The following DNAH12 variants were observed in gnomAD, a reference collection of about 807,000 sequenced individuals.
DNAH12 encodes the protein axonemal beta dynein heavy chain 12.
In DNAH12, 285 loss-of-function variants were observed where a neutral mutation model predicts 371.5. The ratio of observed to expected loss-of-function variants is 0.77; its 90% CI spans 0.70 to 0.85. The LOEUF (loss-of-function observed/expected upper bound fraction) is 0.85. DNAH12 is among the 40% of genes least tolerant of loss of function. The pLI is 0.00. For missense variants in DNAH12, 3,611 were observed against 3,689.4 expected (o/e 0.98, Z 0.55); for synonymous variants, 1,200 against 1,213.0 (o/e 0.99, Z 0.22).
intron 49 of DNAH12, among the ~76,000 whole-genome samples, chr3:57,382,937 T>C (rs965736087): frequency 0.016 from 2,467 of 152,354 alleles, 33 homozygotes; most frequent in Admixed American, 0.033. Context: ...CTATATATCT[T>C]AGTTTTTCAT....
At chr3:57,428,002 C>A (rs944101553) in intron 34 of DNAH12, among the ~76,000 whole-genome samples, 1 of 151,824 alleles carries the variant, frequency 6.6e-6, no homozygotes, top group South Asian at 2.1e-4. Flanking sequence ...GATCTCGGCT[C>A]ACTGCAACCT....
chr3:57,380,440 A>G (rs1239332318), intron 50 of DNAH12, 73 bp from the exon 51 acceptor site: 1 of 152,156 alleles, frequency 6.6e-6, no homozygotes, highest in African/African-American at 2.4e-5. Flanking sequence ...TTCTTCTTGA[A>G]GTTTAAGAGG....
intron 13 of DNAH12, among the ~76,000 whole-genome samples, chr3:57,482,344 A>G (rs1455231925): frequency 2.6e-5 from 4 of 152,254 alleles, no homozygotes; most frequent in South Asian, 2.1e-4. Context: ...CTGGCCATCA[A>G]AGAAATGCAA....
intron 2 of DNAH12, 73 bp from the exon 3 acceptor site, chr3:57,523,957 C>G: frequency 8.8e-7 from 1 of 1,130,704 alleles, no homozygotes; most frequent in Non-Finnish European, 1.2e-6. Context: ...ACAATTTAAG[C>G]ATTTTTCCAA....
chr3:57,474,972 C>G (rs1396678122), intron 13 of DNAH12, among the ~76,000 whole-genome samples: 2 of 80,512 alleles, frequency 2.5e-5, no homozygotes, highest in Non-Finnish European at 5.6e-5. Flanking sequence ...GAGACTCTTT[C>G]TCAAAAAAAA....
chr3:57,500,204 C>T (rs1219553981), intron 11 of DNAH12, among the ~76,000 whole-genome samples: 1 of 152,050 alleles, frequency 6.6e-6, no homozygotes, highest in Non-Finnish European at 1.5e-5. Context: ...CCATGCTTGG[C>T]TAATTCTTGT....
At chr3:57,338,245 C>T (rs1250768814) in intron 60 of DNAH12, among the ~76,000 whole-genome samples, 2 of 152,324 alleles carry the variant, frequency 1.3e-5, no homozygotes, top group Middle Eastern at 3.4e-3. Context: ...CTCCTGACCT[C>T]GAGTGATCTG....
chr3:57,473,946 A>G (rs1257337184), intron 13 of DNAH12, among the ~76,000 whole-genome samples: 1 of 152,152 alleles, frequency 6.6e-6, no homozygotes, highest in African/African-American at 2.4e-5. Context: ...TTTTCAAAAA[A>G]CGTAGTAGCA....
In DNAH12 at chr3:57,415,654, A is replaced by G. The variant is rs906025668; in HGVS notation, c.5715-90T>C. On this transcript the variant is annotated intron_variant, in intron 37 of 73. Transcript: ENST00000495027. ...GGAGGCGGTAGTTAAAAGTGTACAT[A>G]AGAATCAAATCATCTTCATTAAAAA... 6.2e-5 allele frequency: 80 copies of G among 1,281,918 alleles called. No individual in the cohort carries two copies. In the South Asian group the frequency reaches 1.3e-3, roughly 21 times the overall value. 79.4% of individuals were successfully genotyped at this position (1,281,918 alleles called of 1,614,324 possible).
At chr3:57,356,484 T>TAAATA (rs1334854920) in intron 59 of DNAH12, among the ~76,000 whole-genome samples, 1 of 142,648 alleles carries the variant, frequency 7.0e-6, no homozygotes, top group Non-Finnish European at 1.6e-5. Context: ...AATAAATAAA[T>TAAATA]AAATAAAATA....
At chr3:57,308,478 C>G (rs997127632) in intron 69 of DNAH12, among the ~76,000 whole-genome samples, 2 of 98,680 alleles carry the variant, frequency 2.0e-5, no homozygotes, top group African/African-American at 8.3e-5. Context: ...CCCATTTAAG[C>G]TCCTGTATAG....
At chr3:57,324,510 G>T (rs892335735) in intron 62 of DNAH12, among the ~76,000 whole-genome samples, 4 of 152,166 alleles carry the variant, frequency 2.6e-5, no homozygotes, top group African/African-American at 9.7e-5. Flanking sequence ...TATGGAGTAA[G>T]GCAGATTGCC....
intron 55 of DNAH12, among the ~76,000 whole-genome samples, chr3:57,371,786 A>G (rs1450407565): frequency 2.7e-5 from 2 of 74,832 alleles, no homozygotes; most frequent in Admixed American, 2.4e-4. Context: ...AAGATACATT[A>G]CATAAAGAGG....
rs1157890518 is a variant in DNAH12 at position 57,363,704 on chromosome 3, T to A, written c.9250A>T (p.Ile3084Phe). ...TCTGATGATGATAATGTTTCTAAAA[T>A]TTTTTTCTCTATGTCTTTCAGCTGT... Reference protein sequence around the residue: ...KKQLKDIEKKILETLSSSEGN... With the variant: ...KKQLKDIEKKFLETLSSSEGN... The change falls in exon 58 of 74, where the codon ATT becomes TTT. Residue 3084 changes from isoleucine (I) to phenylalanine (F), a missense_variant. Ile to Phe is a conservative substitution (Grantham distance 21, BLOSUM62 0). This residue lies in a region of DNAH12 where 2,266 missense variants were observed against 2,236.9 expected (regional missense o/e 1.01). Transcript: ENST00000495027. 1 of 152,178 alleles carries A rather than the reference T, an allele frequency of 6.6e-6. No individual in the cohort carries two copies. The highest frequency in any genetic ancestry group is 2.4e-5 in the African/African-American group (1 of 41,456). 9.4% of individuals were successfully genotyped at this position (152,178 alleles called of 1,614,324 possible).
chr3:57,337,281 G>A (rs1461723480), intron 60 of DNAH12, among the ~76,000 whole-genome samples: 2 of 151,134 alleles, frequency 1.3e-5, no homozygotes, highest in Non-Finnish European at 3.0e-5. Context: ...CCATAGGCAG[G>A]AGGACTGCTT....
At chr3:57,358,867 C>T (rs2062857262) in intron 58 of DNAH12, among the ~76,000 whole-genome samples, 1 of 152,196 alleles carries the variant, frequency 6.6e-6, no homozygotes, top group African/African-American at 2.4e-5. Context: ...TTACTACAAC[C>T]TCCACCTCCT....
chr3:57,519,482 G>T (rs1237101389), intron 4 of DNAH12, among the ~76,000 whole-genome samples: 1 of 152,160 alleles, frequency 6.6e-6, no homozygotes, highest in Non-Finnish European at 1.5e-5. Flanking sequence ...CTTAATTGTA[G>T]AGAATTTCTG....
chr3:57,521,377 A>G (rs2068435765), intron 4 of DNAH12, among the ~76,000 whole-genome samples: 2 of 152,082 alleles, frequency 1.3e-5, no homozygotes, highest in Non-Finnish European at 2.9e-5. Flanking sequence ...AACTTAGTCA[A>G]AAATCAGGGG....
chr3:57,449,725 C>G (rs1477113459), intron 25 of DNAH12, among the ~76,000 whole-genome samples: 1 of 152,216 alleles, frequency 6.6e-6, no homozygotes, highest in African/African-American at 2.4e-5. Context: ...GCTCGCGCCT[C>G]TCCCTCCACA....
Sources: allele counts gnomAD v4.1 joint callset (sites outside exome capture counted in the v4.1 genomes callset), GRCh38; gene constraint gnomAD v4.1.1; regional missense constraint gnomAD v4.1.1; transcripts MANE v1.5; gene names NCBI Gene and HGNC (gene_info 2026-07-23, HGNC 2026-07-21).